The following KLF13 variants were observed in gnomAD, a reference collection of about 807,000 sequenced individuals.
KLF13 encodes Krueppel-like factor 13.
In KLF13, 8 loss-of-function variants were observed where a neutral mutation model predicts 16.7. The ratio of observed to expected loss-of-function variants is 0.48; its 90% CI spans 0.28 to 0.87. KLF13 has a LOEUF of 0.87. Ranked by LOEUF, KLF13 falls within the 40% of genes least tolerant of loss-of-function variation. The probability of loss-of-function intolerance (pLI) is 0.10; values close to 1 mark genes in which losing one functional copy is unlikely to be tolerated. For synonymous variants in KLF13, 245 were observed against 208.4 expected (o/e 1.18, Z -1.51); for missense variants, 447 against 452.2 (o/e 0.99, Z 0.10).
At chr15:31,429,029 G>C (rs1369612353) in intron 1 of KLF13, among the ~76,000 whole-genome samples, 2 of 152,070 alleles carry the variant, frequency 1.3e-5, no homozygotes, top group Non-Finnish European at 2.9e-5. Context: ...AAAATGCAAG[G>C]CTCCTTGCTC....
intron 1 of KLF13, among the ~76,000 whole-genome samples, chr15:31,353,390 T>G (rs970066177): frequency 3.4e-5 from 5 of 147,484 alleles, no homozygotes; most frequent in Admixed American, 6.8e-5. Flanking sequence ...AGGGCCCCCT[T>G]GTGAAGAGGG....
chr15:31,427,324 A>AAAAAAACAAAAAAC (rs1156423755), intron 1 of KLF13, among the ~76,000 whole-genome samples: 3 of 143,492 alleles, frequency 2.1e-5, no homozygotes, highest in Admixed American at 6.6e-5. Flanking sequence ...GGACCACTGT[A>AAAAAAACAAAAAAC]AAAAAACAAA....
intron 1 of KLF13, among the ~76,000 whole-genome samples, chr15:31,357,497 G>A (rs1425448289): frequency 6.6e-6 from 1 of 152,212 alleles, no homozygotes; most frequent in East Asian, 1.9e-4. Flanking sequence ...ATCTCCTTCC[G>A]GGTTTTCCCC....
At chr15:31,328,704 C>T (rs1036991969) in intron 1 of KLF13, among the ~76,000 whole-genome samples, 3 of 152,200 alleles carry the variant, frequency 2.0e-5, no homozygotes, top group African/African-American at 4.8e-5. Flanking sequence ...ACGCGCGGCC[C>T]GATACTTTGT....
At chr15:31,412,381 A>G (rs947473359) in intron 1 of KLF13, among the ~76,000 whole-genome samples, 2 of 152,204 alleles carry the variant, frequency 1.3e-5, no homozygotes, top group African/African-American at 4.8e-5. Context: ...TGGCAAGACA[A>G]GACATAAAAT....
chr15:31,360,761 G>C (rs954626731), intron 1 of KLF13, among the ~76,000 whole-genome samples: 45 of 152,168 alleles, frequency 3.0e-4, no homozygotes, highest in African/African-American at 9.9e-4. Context: ...TTTTAGGCCC[G>C]TCGTCCAAAT....
intron 1 of KLF13, among the ~76,000 whole-genome samples, chr15:31,359,408 C>T (rs967746566): frequency 6.6e-6 from 1 of 152,224 alleles, no homozygotes; most frequent in Non-Finnish European, 1.5e-5. Context: ...CCTTTCCAGG[C>T]AGTGTACTGG....
At chr15:31,390,949 C>A (rs1283995171), upstream of KLF13, among the ~76,000 whole-genome samples, 1 of 151,740 alleles carries the variant, frequency 6.6e-6, no homozygotes, top group East Asian at 1.9e-4. Context: ...CCATCCCTGT[C>A]CCCAAACAGT....
chr15:31,406,166 C>G (rs551151945), downstream of KLF13, among the ~76,000 whole-genome samples: 20 of 152,304 alleles, frequency 1.3e-4, no homozygotes, highest in African/African-American at 3.8e-4. Context: ...AGATGCATAG[C>G]ATCAATCCAG....
chr15:31,339,453 C>T lies in KLF13; in HGVS notation c.577+11664C>T, dbSNP rs373838671. Among the ~76,000 whole-genome samples the T allele has an allele frequency of 2.5e-4, 38 of 152,204 alleles. No homozygotes were observed. The East Asian group carries it at 7.2e-3, about 29-fold the overall frequency. ...GACCCCCCACTGCCGACAGCTGGCA[C>T]GGGAGGCTGGGAGAGCACTGGCCAC... On this transcript the variant is annotated intron_variant, in intron 1 of 1. Coordinates refer to ENST00000307145, the MANE Select transcript of KLF13 (RefSeq NM_015995.4).
chr15:31,333,975 T>C (rs1304328370), intron 1 of KLF13, among the ~76,000 whole-genome samples: 1 of 152,022 alleles, frequency 6.6e-6, no homozygotes, highest in Non-Finnish European at 1.5e-5. Context: ...GCATGGGATA[T>C]TAGCCTGTCC....
Position 31,327,715 on chromosome 15 carries a change from A to C in KLF13, c.503A>C (p.Lys168Thr). The change falls in exon 1 of 2, where the codon AAG (lysine) becomes ACG (threonine). Residue 168 changes from lysine to threonine, a missense_variant. This residue lies in a region of KLF13 where 359 missense variants were observed against 282.8 expected (regional missense o/e 1.27). Coordinates refer to ENST00000307145, the MANE Select transcript of KLF13 (RefSeq NM_015995.4). The part of the protein sequence containing the change: ...ADLESPQRKH[K>T]CHYAGCEKVY... The stretch of plus-strand genomic sequence containing the variant: ...CTCGAGTCCCCGCAGAGGAAGCACA[A>C]GTGCCACTACGCGGGCTGCGAGAAA... 6.5e-7 allele frequency: 1 copy of C among 1,538,290 alleles called. No homozygotes were observed. The highest frequency in any genetic ancestry group is 8.8e-7 in the Non-Finnish European group (1 of 1,138,796).
downstream of KLF13, among the ~76,000 whole-genome samples, chr15:31,408,141 A>G (rs1391010359): frequency 6.6e-6 from 1 of 152,258 alleles, no homozygotes; most frequent in Non-Finnish European, 1.5e-5. Flanking sequence ...AAATTGTAAA[A>G]TAGTTGGTAA....
intron 1 of KLF13, among the ~76,000 whole-genome samples, chr15:31,353,862 G>T (rs1246939960): frequency 2.0e-5 from 3 of 152,160 alleles, no homozygotes; most frequent in African/African-American, 7.2e-5. Flanking sequence ...GGCCTCAGAG[G>T]AGAAGAGGAC....
At chr15:31,429,695 TTTTATTTA>T (rs201016352) in intron 1 of KLF13, among the ~76,000 whole-genome samples, 71,350 of 137,338 alleles carry the variant, frequency 0.52, 18,823 homozygotes, top group South Asian at 0.63. Flanking sequence ...AGAAAGATTC[TTTTATTTA>T]TTTATTTATT....
At chr15:31,390,415 G>A (rs901427883), upstream of KLF13, among the ~76,000 whole-genome samples, 1 of 152,146 alleles carries the variant, frequency 6.6e-6, no homozygotes, top group Non-Finnish European at 1.5e-5. Context: ...ATTTGGCCTA[G>A]TATAGAAAAC....
chr15:31,346,746 C>G (rs1306502846), intron 1 of KLF13, among the ~76,000 whole-genome samples: 1 of 152,244 alleles, frequency 6.6e-6, no homozygotes, highest in Non-Finnish European at 1.5e-5. Context: ...CTTTCAGTTT[C>G]TAGCGAGGGA....
At chr15:31,420,578 C>A in intron 1 of KLF13, 1 of 466,724 alleles carries the variant, frequency 2.1e-6, no homozygotes, top group Non-Finnish European at 4.0e-6. Flanking sequence ...TTTGAACATG[C>A]ATGCTGTTGA....
intron 1 of KLF13, among the ~76,000 whole-genome samples, chr15:31,351,635 T>C (rs2039218639): frequency 6.6e-6 from 1 of 152,106 alleles, no homozygotes; most frequent in Admixed American, 6.5e-5. Flanking sequence ...GAAGGATGAG[T>C]GTGCTACCCG....
Sources: gnomAD v4.1 joint callset for allele counts (sites outside exome capture counted in the v4.1 genomes callset) on GRCh38, gnomAD v4.1.1 for gene constraint, gnomAD v4.1.1 regional missense constraint, MANE v1.5 for transcripts, NCBI Gene and HGNC (gene_info 2026-07-23, HGNC 2026-07-21) for gene names.